PDE7B: variants seen among roughly 807,000 people sequenced by gnomAD.
PDE7B encodes the protein phosphodiesterase 7B, also known as 3',5'-cyclic-AMP phosphodiesterase 7B.
A neutral mutation model predicts 56.2 loss-of-function variants in PDE7B; 29 were observed. That is an observed-to-expected ratio of 0.52 (90% CI 0.38 to 0.70). The LOEUF (loss-of-function observed/expected upper bound fraction) is 0.70. PDE7B is among the 30% of genes least tolerant of loss of function. The pLI is 0.00. For missense variants in PDE7B, 490 were observed against 565.0 expected (o/e 0.87, Z 1.35); for synonymous variants, 197 against 196.9 (o/e 1.00, Z 0.00).
chr6:135,857,407 A>C (rs1366829277), intron 1 of PDE7B, among the ~76,000 whole-genome samples: 2 of 152,156 alleles, frequency 1.3e-5, no homozygotes, highest in Non-Finnish European at 2.9e-5. Context: ...CTGTTCAAAA[A>C]TGAAGTTTAT....
intron 2 of PDE7B, among the ~76,000 whole-genome samples, chr6:136,080,482 C>G (rs546317951): frequency 3.0e-4 from 45 of 152,310 alleles, no homozygotes; most frequent in African/African-American, 1.1e-3. Flanking sequence ...GAAAAAGAAA[C>G]TAACAGCATG....
chr6:136,064,192 C>T (rs1776892491), intron 2 of PDE7B, among the ~76,000 whole-genome samples: 1 of 152,158 alleles, frequency 6.6e-6, no homozygotes, highest in South Asian at 2.1e-4. Context: ...TCTGAGAGTG[C>T]AGCTGTATTA....
At chr6:135,996,471 A>G (rs991962915) in intron 2 of PDE7B, among the ~76,000 whole-genome samples, 1 of 152,224 alleles carries the variant, frequency 6.6e-6, no homozygotes. Flanking sequence ...AAGAAGTAAC[A>G]TAATACCGTA....
At chr6:136,092,193 T>A (rs921941350) in intron 2 of PDE7B, among the ~76,000 whole-genome samples, 5 of 152,210 alleles carry the variant, frequency 3.3e-5, no homozygotes, top group Non-Finnish European at 7.3e-5. Context: ...CTGTTTACCA[T>A]CTCCAAAATA....
At chr6:136,000,610 T>A (rs887534437) in intron 2 of PDE7B, among the ~76,000 whole-genome samples, 4 of 152,148 alleles carry the variant, frequency 2.6e-5, no homozygotes, top group African/African-American at 9.7e-5. Context: ...TATCTATGTA[T>A]CTGTTTTTTT....
chr6:135,992,119 A>G (rs1051520654), intron 2 of PDE7B: 1 of 153,536 alleles, frequency 6.5e-6, no homozygotes, highest in Non-Finnish European at 1.4e-5. Flanking sequence ...AGGGGTGTCC[A>G]ACCTTTTGGC....
At chr6:136,057,687 C>T (rs1223986122) in intron 2 of PDE7B, among the ~76,000 whole-genome samples, 1 of 152,098 alleles carries the variant, frequency 6.6e-6, no homozygotes, top group Admixed American at 6.5e-5. Flanking sequence ...CATCACAAAG[C>T]TTTTACTTGA....
At chr6:136,176,095 A>C (rs1778972469) in intron 9 of PDE7B, among the ~76,000 whole-genome samples, 1 of 152,074 alleles carries the variant, frequency 6.6e-6, no homozygotes, top group Admixed American at 6.6e-5. Context: ...ATTTCTTTAG[A>C]GAACACATTT....
At chr6:136,048,965 T>C (rs183904785) in intron 2 of PDE7B, 1 of 152,324 alleles carries the variant, frequency 6.6e-6, no homozygotes, top group Non-Finnish European at 1.5e-5. Flanking sequence ...TATATAGCCT[T>C]CCATCTAGAC....
At chr6:136,105,112 A>G (rs1031344317) in intron 2 of PDE7B, among the ~76,000 whole-genome samples, 3 of 152,204 alleles carry the variant, frequency 2.0e-5, no homozygotes, top group Non-Finnish European at 4.4e-5. Context: ...CTTAAAAGTA[A>G]TAGATTCCTT....
intron 1 of PDE7B, among the ~76,000 whole-genome samples, chr6:135,904,509 C>T (rs1348051037): frequency 6.6e-6 from 1 of 152,170 alleles, no homozygotes; most frequent in Non-Finnish European, 1.5e-5. Context: ...CCCAGTCCAT[C>T]CTTTCTCCAT....
chr6:135,921,290 G>A (rs1047047848), intron 1 of PDE7B, among the ~76,000 whole-genome samples: 10 of 152,138 alleles, frequency 6.6e-5, no homozygotes, highest in Admixed American at 6.5e-4. Context: ...TAGATGGACA[G>A]ATATATTCAG....
At chr6:136,081,708 C>T (rs1025965579) in intron 2 of PDE7B, among the ~76,000 whole-genome samples, 3 of 152,166 alleles carry the variant, frequency 2.0e-5, no homozygotes, top group Admixed American at 6.5e-5. Flanking sequence ...TTGGCATCAA[C>T]CTAAATGAGA....
chr6:135,882,334 TAAA>T (rs912187439), intron 1 of PDE7B, among the ~76,000 whole-genome samples: 6 of 152,152 alleles, frequency 3.9e-5, no homozygotes, highest in African/African-American at 1.2e-4. Flanking sequence ...TGTAAAAAAA[TAAA>T]AAAGTCTTCA....
At chr6:136,018,067 A>G (rs746309209) in intron 2 of PDE7B, among the ~76,000 whole-genome samples, 6 of 152,170 alleles carry the variant, frequency 3.9e-5, no homozygotes, top group Non-Finnish European at 8.8e-5. Context: ...GTCAAACAGT[A>G]ATTTGGGATT....
intron 1 of PDE7B, among the ~76,000 whole-genome samples, chr6:135,856,728 T>A (rs1775035532): frequency 6.6e-6 from 1 of 152,196 alleles, no homozygotes. Context: ...TTTGTAGTTT[T>A]GGATAAACCT....
intron 1 of PDE7B, among the ~76,000 whole-genome samples, chr6:135,901,299 C>T (rs963075193): frequency 6.6e-6 from 1 of 151,990 alleles, no homozygotes; most frequent in East Asian, 1.9e-4. Flanking sequence ...TAAATCTAGG[C>T]ATTCTCCTAT....
intron 2 of PDE7B, among the ~76,000 whole-genome samples, chr6:136,063,647 C>T (rs1776883689): frequency 6.6e-6 from 1 of 152,204 alleles, no homozygotes; most frequent in Non-Finnish European, 1.5e-5. Context: ...GCATCCAGGG[C>T]AGGCCATAAG....
chr6:136,157,958 C>T (rs1419660080), intron 8 of PDE7B, among the ~76,000 whole-genome samples: 3 of 152,152 alleles, frequency 2.0e-5, no homozygotes, highest in African/African-American at 4.8e-5. Context: ...TCAGTGCATA[C>T]GCTCTCTTTT....
Sources: allele counts gnomAD v4.1 joint callset (sites outside exome capture counted in the v4.1 genomes callset), GRCh38; gene constraint gnomAD v4.1.1; transcripts MANE v1.5; gene names NCBI Gene and HGNC (gene_info 2026-07-23, HGNC 2026-07-21).